The following RBFOX1 variants were observed in gnomAD, a reference collection of about 807,000 sequenced individuals.
RBFOX1 encodes RNA binding fox-1 homolog 1, also known as RNA binding protein fox-1 homolog 1.
RBFOX1 carries 8 observed loss-of-function variants against 57.7 expected under a neutral mutation model. The ratio of observed to expected loss-of-function variants is 0.14; its 90% CI spans 0.08 to 0.25. The LOEUF is 0.25. Ranked by LOEUF, RBFOX1 falls within the 10% of genes least tolerant of loss-of-function variation. RBFOX1 has a pLI of 1.00. For synonymous variants in RBFOX1, 326 were observed against 222.4 expected (o/e 1.47, Z -4.15); for missense variants, 611 against 548.5 (o/e 1.11, Z -1.14).
chr16:7,331,983 ACT>A (rs1307321367), intron 4 of RBFOX1, among the ~76,000 whole-genome samples: 6 of 152,020 alleles, frequency 3.9e-5, no homozygotes, highest in Non-Finnish European at 8.8e-5. Context: ...ATGCCTTGAA[ACT>A]CTGAGAACAA....
At chr16:5,984,356 G>A (rs771221540) in intron 4 of RBFOX1, among the ~76,000 whole-genome samples, 1 of 151,166 alleles carries the variant, frequency 6.6e-6, no homozygotes, top group Admixed American at 6.6e-5. Context: ...TGCAGTAACC[G>A]ACTTTTCTAA....
At chr16:7,219,126 G>C (rs1603308175) in intron 4 of RBFOX1, among the ~76,000 whole-genome samples, 1 of 152,290 alleles carries the variant, frequency 6.6e-6, no homozygotes, top group South Asian at 2.1e-4. Context: ...AGCTGGCTTT[G>C]TGTCAGCCCT....
intron 4 of RBFOX1, among the ~76,000 whole-genome samples, chr16:5,887,076 C>G (rs773106346): frequency 6.6e-6 from 1 of 152,120 alleles, no homozygotes; most frequent in East Asian, 1.9e-4. Flanking sequence ...AGCATTTTCT[C>G]CCCAGGTTGT....
At chr16:5,282,869 A>G (rs1360563483) in intron 1 of RBFOX1, among the ~76,000 whole-genome samples, 4 of 152,232 alleles carry the variant, frequency 2.6e-5, no homozygotes, top group Non-Finnish European at 5.9e-5. Context: ...TGTTTAAGTA[A>G]TGAGGAGCCA....
At chr16:7,461,545 T>G (rs1191057928) in intron 4 of RBFOX1, among the ~76,000 whole-genome samples, 1 of 152,208 alleles carries the variant, frequency 6.6e-6, no homozygotes, top group East Asian at 1.9e-4. Context: ...TTAAGTGTAT[T>G]TCAGATACCC....
intron 3 of RBFOX1, among the ~76,000 whole-genome samples, chr16:6,822,083 G>A (rs754065102): frequency 3.9e-5 from 6 of 152,258 alleles, no homozygotes; most frequent in East Asian, 1.9e-4. Context: ...TGAAATGGTT[G>A]CGTGTGATTT....
At chr16:6,809,011 G>A (rs553389752) in intron 3 of RBFOX1, among the ~76,000 whole-genome samples, 7 of 152,254 alleles carry the variant, frequency 4.6e-5, no homozygotes, top group African/African-American at 1.7e-4. Flanking sequence ...CTGAAAACCT[G>A]ACTTAGGAGT....
Position 6,303,492 on chromosome 16 carries a change from G to C in RBFOX1, c.-126-13503G>C, listed in dbSNP as rs578140418. On this transcript the variant is annotated intron_variant, in intron 1 of 15. Coordinates refer to ENST00000550418, the MANE Select transcript of RBFOX1 (RefSeq NM_018723.4). The stretch of plus-strand genomic sequence containing the variant: ...GCTCAAAAATAAAGTGTTCTCAGTG[G>C]TGTAAATAAAGCAGTAGTCTGAGTA... Among the ~76,000 whole-genome samples, 9 of 152,262 alleles carry C rather than the reference G, an allele frequency of 5.9e-5. 1 individual carries two copies. The highest frequency in any genetic ancestry group is 3.4e-3 in the Middle Eastern group (1 of 294).
intron 2 of RBFOX1, among the ~76,000 whole-genome samples, chr16:5,588,865 G>T (rs1156767976): frequency 6.6e-6 from 1 of 152,278 alleles, no homozygotes; most frequent in African/African-American, 2.4e-5. Flanking sequence ...TGCAGGTGGA[G>T]GTATTTTACA....
At chr16:7,272,657 T>C (rs2095347273) in intron 4 of RBFOX1, among the ~76,000 whole-genome samples, 1 of 124,180 alleles carries the variant, frequency 8.1e-6, no homozygotes. Flanking sequence ...TTTTTACTTA[T>C]ATCTGAGAAG....
chr16:6,512,415 G>A (rs2096274380), intron 2 of RBFOX1, among the ~76,000 whole-genome samples: 1 of 152,080 alleles, frequency 6.6e-6, no homozygotes, highest in South Asian at 2.1e-4. Flanking sequence ...GATAGGGAAT[G>A]CGTTGCATTC....
chr16:7,473,053 G>T (rs2061866567), intron 4 of RBFOX1, among the ~76,000 whole-genome samples: 1 of 152,094 alleles, frequency 6.6e-6, no homozygotes, highest in Admixed American at 6.6e-5. Flanking sequence ...CTCTGTCCAA[G>T]GGTTGATACA....
intron 2 of RBFOX1, among the ~76,000 whole-genome samples, chr16:6,462,507 GTTC>G (rs2094943187): frequency 6.6e-6 from 1 of 152,218 alleles, no homozygotes; most frequent in East Asian, 1.9e-4. Flanking sequence ...TTCCACTGAT[GTTC>G]TTTAGATTAA....
At chr16:7,698,445 C>G (rs550802266) in intron 14 of RBFOX1, among the ~76,000 whole-genome samples, 1 of 152,068 alleles carries the variant, frequency 6.6e-6, no homozygotes, top group African/African-American at 2.4e-5. Context: ...GGGCAGGTTG[C>G]TACCCAAGTT....
At chr16:6,649,748 T>G (rs12921960) in intron 2 of RBFOX1, among the ~76,000 whole-genome samples, 31,729 of 152,164 alleles carry the variant, frequency 0.21, 3,364 homozygotes, top group Non-Finnish European at 0.22. Context: ...GGGAAGTATT[T>G]TATTACATAT....
At chr16:7,445,688 G>A (rs376447505) in intron 4 of RBFOX1, among the ~76,000 whole-genome samples, 1 of 152,288 alleles carries the variant, frequency 6.6e-6, no homozygotes, top group East Asian at 1.9e-4. Context: ...CACAGTTTTT[G>A]TTGCTGTTAC....
At chr16:7,340,541 C>G (rs1045697895) in intron 4 of RBFOX1, among the ~76,000 whole-genome samples, 1 of 152,180 alleles carries the variant, frequency 6.6e-6, no homozygotes. Flanking sequence ...TAGTAAGTCA[C>G]AACCTAGGGA....
At chr16:5,716,030 A>G (rs1038720730) in intron 3 of RBFOX1, among the ~76,000 whole-genome samples, 1 of 152,244 alleles carries the variant, frequency 6.6e-6, no homozygotes, top group African/African-American at 2.4e-5. Flanking sequence ...CAAGGCAGGA[A>G]TAAGGATAAT....
intron 3 of RBFOX1, among the ~76,000 whole-genome samples, chr16:6,986,516 T>C (rs1032200437): frequency 6.6e-6 from 1 of 152,178 alleles, no homozygotes; most frequent in South Asian, 2.1e-4. Flanking sequence ...GGTTTTGAAC[T>C]CATGGGCTCA....
Sources: allele counts gnomAD v4.1 joint callset (sites outside exome capture counted in the v4.1 genomes callset), GRCh38; gene constraint gnomAD v4.1.1; transcripts MANE v1.5; gene names NCBI Gene and HGNC (gene_info 2026-07-23, HGNC 2026-07-21).